NRCAM: variants seen among roughly 807,000 people sequenced by gnomAD.
NRCAM encodes NgCAM-related cell adhesion molecule.
Under a neutral mutation model 156.5 loss-of-function variants are expected in NRCAM, and 83 were observed. The observed-to-expected ratio is 0.53, with a 90% CI of 0.44 to 0.64. The LOEUF (loss-of-function observed/expected upper bound fraction) is 0.64. NRCAM is among the 30% of genes least tolerant of loss of function. The probability of loss-of-function intolerance (pLI) is 0.00; values close to 1 mark genes in which losing one functional copy is unlikely to be tolerated. For missense variants in NRCAM, 1,417 were observed against 1,597.3 expected, an observed-to-expected ratio of 0.89 and a Z score of 1.92; for synonymous variants, 538 against 563.9, an observed-to-expected ratio of 0.95 and a Z score of 0.65.
chr7:108,450,109 G>T (rs906092273), intron 1 of NRCAM, among the ~76,000 whole-genome samples: 8 of 152,070 alleles, frequency 5.3e-5, no homozygotes, highest in Non-Finnish European at 8.8e-5. Context: ...ATTAAACCAT[G>T]TTTTAGTCCA....
At chr7:108,326,702 G>A (rs2099072566) in intron 2 of NRCAM, among the ~76,000 whole-genome samples, 1 of 152,140 alleles carries the variant, frequency 6.6e-6, no homozygotes, top group Non-Finnish European at 1.5e-5. Context: ...GTAAACATGA[G>A]ACCTAGGGAA....
intron 2 of NRCAM, among the ~76,000 whole-genome samples, chr7:108,388,502 T>C (rs2099748816): frequency 6.6e-6 from 1 of 152,248 alleles, no homozygotes; most frequent in Non-Finnish European, 1.5e-5. Flanking sequence ...TCTCCCATTC[T>C]GTAGGTTGCC....
chr7:108,201,579 C>G (rs1220441716), intron 13 of NRCAM, among the ~76,000 whole-genome samples: 1 of 152,070 alleles, frequency 6.6e-6, no homozygotes, highest in Non-Finnish European at 1.5e-5. Context: ...TGTGTTTTTA[C>G]CACAATAATA....
chr7:108,262,183 C>G (rs1339191531), intron 3 of NRCAM, among the ~76,000 whole-genome samples: 2 of 152,038 alleles, frequency 1.3e-5, no homozygotes, highest in Admixed American at 6.5e-5. Flanking sequence ...TAGGCTAACA[C>G]AAGTGGTTGG....
intron 3 of NRCAM, among the ~76,000 whole-genome samples, chr7:108,258,644 C>G (rs999968592): frequency 6.6e-6 from 1 of 152,204 alleles, no homozygotes; most frequent in Non-Finnish European, 1.5e-5. Context: ...TCAACAAGCT[C>G]TGTGTGCCTT....
At chr7:108,220,486 G>C (rs369124662) in intron 11 of NRCAM, among the ~76,000 whole-genome samples, 1 of 152,172 alleles carries the variant, frequency 6.6e-6, no homozygotes, top group East Asian at 1.9e-4. Context: ...CTTGATACTG[G>C]TATAAAAATA....
chr7:108,280,769 T>C (rs988142523), intron 3 of NRCAM, among the ~76,000 whole-genome samples: 9 of 152,236 alleles, frequency 5.9e-5, no homozygotes, highest in Non-Finnish European at 1.3e-4. Context: ...AAATGCCACC[T>C]TAATATGATT....
chr7:108,177,958 T>C (rs764440147), intron 26 of NRCAM, 32 bp downstream of exon 26: 26 of 1,565,742 alleles, frequency 1.7e-5, no homozygotes, highest in Non-Finnish European at 2.1e-5. Context: ...TAAAAAAACA[T>C]ATTTCCCCTT....
intron 32 of NRCAM, 116 bp downstream of exon 32, chr7:108,159,347 A>G: frequency 1.1e-6 from 1 of 873,196 alleles, no homozygotes; most frequent in South Asian, 1.4e-5. Flanking sequence ...GTATCCCTAA[A>G]CTTCTATTTG....
chr7:108,259,038 C>T (rs183327726), intron 3 of NRCAM, among the ~76,000 whole-genome samples: 6 of 152,296 alleles, frequency 3.9e-5, no homozygotes, highest in African/African-American at 1.4e-4. Flanking sequence ...AATTTGAGTG[C>T]CCAACAGCCA....
At chr7:108,153,338 T>C (rs57486256) in intron 32 of NRCAM, among the ~76,000 whole-genome samples, 19,019 of 151,888 alleles carry the variant, frequency 0.13, 1,324 homozygotes, top group Middle Eastern at 0.22. Flanking sequence ...CAGAAGAAAA[T>C]AAAAATATGA....
In NRCAM at chr7:108,176,620, A is replaced by G; in HGVS notation, c.2975-14T>C. On this transcript the variant is annotated splice_polypyrimidine_tract_variant and intron_variant, in intron 26 of 32. Transcript: ENST00000379028. Reference sequence around the variant, plus strand: ...GTGTGCTGTTAACTGTCAATAAGAAATAATGAACAAGTGCATTCTCCATTA... The same window carrying G: ...GTGTGCTGTTAACTGTCAATAAGAAGTAATGAACAAGTGCATTCTCCATTA... 1 of 1,597,116 alleles carries G rather than the reference A, an allele frequency of 6.3e-7. No homozygotes were observed. Among genetic ancestry groups the G allele is most frequent in the Non-Finnish European group, 8.6e-7 (1 of 1,168,678 alleles).
chr7:108,163,603 A>C lies in NRCAM; in HGVS notation c.3467-3111T>G, dbSNP rs527977332. On this transcript the variant is annotated intron_variant, in intron 30 of 32. Transcript: ENST00000379028. ...CCTCGTGAAAACAAATCTGTTTTAA[A>C]TCCTTTGTGATGATAAGAAAGACTG... is the stretch of plus-strand genomic sequence containing the variant. Among the ~76,000 whole-genome samples the C allele has an allele frequency of 3.0e-4, 45 of 152,320 alleles. 1 individual carries two copies. Among genetic ancestry groups the C allele is most frequent in the Middle Eastern group, 3.4e-3 (1 of 294 alleles).
At chr7:108,357,487 C>A (rs7778203) in intron 2 of NRCAM, among the ~76,000 whole-genome samples, 29,835 of 151,892 alleles carry the variant, frequency 0.2, 3,534 homozygotes, top group East Asian at 0.45. Flanking sequence ...CCTGCCACCA[C>A]GACTGGCTCA....
chr7:108,314,902 A>C (rs1249034053), intron 2 of NRCAM, among the ~76,000 whole-genome samples: 3 of 152,130 alleles, frequency 2.0e-5, no homozygotes, highest in African/African-American at 7.2e-5. Context: ...GATATTAGAG[A>C]TGTTTACTCT....
At chr7:108,349,296 T>A (rs1016040989) in intron 2 of NRCAM, among the ~76,000 whole-genome samples, 1 of 149,480 alleles carries the variant, frequency 6.7e-6, no homozygotes, top group African/African-American at 2.5e-5. Context: ...TGAGACGGAG[T>A]CTCACTTTGT....
At chr7:108,362,731 T>C (rs1051557306) in intron 2 of NRCAM, among the ~76,000 whole-genome samples, 2 of 152,178 alleles carry the variant, frequency 1.3e-5, no homozygotes, top group African/African-American at 4.8e-5. Flanking sequence ...GAGACTTTGA[T>C]ACAAACTCAT....
chr7:108,383,022 A>T (rs2099708478), intron 2 of NRCAM, among the ~76,000 whole-genome samples: 1 of 152,158 alleles, frequency 6.6e-6, no homozygotes, highest in African/African-American at 2.4e-5. Context: ...TGTGAAAATG[A>T]AATGACACAG....
intron 24 of NRCAM, 134 bp downstream of exon 24, chr7:108,181,688 C>T (rs887856869): frequency 4.3e-5 from 20 of 461,920 alleles, no homozygotes; most frequent in Admixed American, 1.2e-4. Flanking sequence ...AGGCAATGAG[C>T]GAAATGAACT....
Sources: gnomAD v4.1 joint callset for allele counts (sites outside exome capture counted in the v4.1 genomes callset) on GRCh38, gnomAD v4.1.1 for gene constraint, MANE v1.5 for transcripts, NCBI Gene and HGNC (gene_info 2026-07-23, HGNC 2026-07-21) for gene names.